The following EXD3 variants were observed in gnomAD, a reference collection of about 807,000 sequenced individuals.
EXD3 encodes the protein exonuclease mut-7 homolog.
Under a neutral mutation model 98.0 loss-of-function variants are expected in EXD3, and 92 were observed. The ratio of observed to expected loss-of-function variants is 0.94; its 90% CI spans 0.79 to 1.12. The LOEUF is 1.12. Among genes scored for constraint, EXD3 ranks in the 50% most tolerant of loss-of-function variants. The pLI is 0.00. For synonymous variants in EXD3, 569 were observed against 526.0 expected (o/e 1.08, Z -1.12); for missense variants, 1,222 against 1,191.6 (o/e 1.03, Z -0.38).
At chr9:137,317,175 G>C (rs1486630576) in intron 19 of EXD3, among the ~76,000 whole-genome samples, 1 of 152,124 alleles carries the variant, frequency 6.6e-6, no homozygotes, top group Non-Finnish European at 1.5e-5. Context: ...CTGTAGCTGC[G>C]GGCAGGGGAG....
chr9:137,383,327 G>A lies in EXD3; in HGVS notation c.106C>T (p.Arg36Trp), dbSNP rs576047959. The A allele has an allele frequency of 8.8e-5, 136 of 1,550,028 alleles. No homozygotes were observed. The highest frequency in any genetic ancestry group is 1.7e-4 in the Middle Eastern group (1 of 5,982). ...CGTCCACTCACCTGCTTCCGCTCCC[G>A]CGTGGACCACAGGGTCTGCAGGGCC... ...LQALQTLWSTRERKQLREEAW... is the reference protein window; with the variant it reads ...LQALQTLWSTWERKQLREEAW... The change falls in exon 3 of 22, where the codon CGG becomes TGG. Residue 36 changes from arginine (R) to tryptophan (W), a missense_variant. Physicochemically the swap from Arg to Trp is moderately radical, Grantham distance 101. Transcript: ENST00000340951.
At chr9:137,341,516 C>T (rs556859125) in intron 17 of EXD3, among the ~76,000 whole-genome samples, 4 of 151,360 alleles carry the variant, frequency 2.6e-5, no homozygotes, top group East Asian at 3.9e-4. Context: ...CACCAGGAGC[C>T]GTCTCCCAGG....
intron 17 of EXD3, among the ~76,000 whole-genome samples, chr9:137,325,349 G>A (rs1254020847): frequency 1.3e-5 from 2 of 152,196 alleles, no homozygotes; most frequent in African/African-American, 4.8e-5. Context: ...ACCACAGGGG[G>A]GCAACATGCC....
At chr9:137,363,457 C>T (rs927084427) in intron 7 of EXD3, among the ~76,000 whole-genome samples, 12 of 151,276 alleles carry the variant, frequency 7.9e-5, no homozygotes, top group Non-Finnish European at 8.8e-5. Context: ...CCTGCCTCAG[C>T]CTCTTGAGTA....
In EXD3 at chr9:137,348,142, G is replaced by C; in HGVS notation, c.1927C>G (p.Arg643Gly). ...TCCACACCGAGACAGCGGAGGCTCC[G>C]TGCCAGCCCCTGCAGCATGTTGTCA... ...VCDNMLQGLA[R>G]SLRCLGVDAR... Residue 643 changes from arginine to glycine, a missense_variant, in exon 17 of 22, where the codon CGG becomes GGG. By Grantham distance (125) the Arg-to-Gly change is moderately radical. Coordinates refer to ENST00000340951, the MANE Select transcript of EXD3 (RefSeq NM_017820.5). 1 of 1,612,160 alleles carries C rather than the reference G, an allele frequency of 6.2e-7. No individual in the cohort carries two copies. The highest frequency in any genetic ancestry group is 8.5e-7 in the Non-Finnish European group (1 of 1,179,718).
chr9:137,400,965 G>A (rs1837455725), intron 1 of EXD3, among the ~76,000 whole-genome samples: 4 of 152,092 alleles, frequency 2.6e-5, no homozygotes, highest in Admixed American at 2.0e-4. Context: ...CTGTGACTCT[G>A]CATGGTACAG....
intron 12 of EXD3, 32 bp from the exon 13 acceptor site, chr9:137,351,560 A>G: frequency 6.4e-7 from 1 of 1,554,288 alleles, no homozygotes; most frequent in Non-Finnish European, 8.7e-7. Context: ...TGTGATCATC[A>G]GGGCCAACTT....
intron 1 of EXD3, among the ~76,000 whole-genome samples, chr9:137,413,585 A>T (rs1234918292): frequency 6.9e-6 from 1 of 145,944 alleles, no homozygotes; most frequent in Non-Finnish European, 1.5e-5. Context: ...AGCTCACTGT[A>T]ACCGCCTCCT....
At chr9:137,386,686 G>A (rs937840334) in intron 2 of EXD3, among the ~76,000 whole-genome samples, 13 of 152,086 alleles carry the variant, frequency 8.5e-5, no homozygotes, top group African/African-American at 2.7e-4. Context: ...TCCAACCTCC[G>A]TGTACCTGGA....
chr9:137,344,500 G>A (rs992295178), intron 17 of EXD3, among the ~76,000 whole-genome samples: 3 of 152,262 alleles, frequency 2.0e-5, no homozygotes, highest in Admixed American at 6.5e-5. Flanking sequence ...CAGCATCTGC[G>A]GAGGCGGCCA....
At chr9:137,414,423 T>C (rs540133017) in intron 1 of EXD3, among the ~76,000 whole-genome samples, 1 of 152,292 alleles carries the variant, frequency 6.6e-6, no homozygotes, top group African/African-American at 2.4e-5. Flanking sequence ...AACAGCTGTG[T>C]GCATGTTTCT....
At chr9:137,346,176 T>C (rs771485614) in intron 17 of EXD3, among the ~76,000 whole-genome samples, 10 of 134,634 alleles carry the variant, frequency 7.4e-5, no homozygotes, top group South Asian at 6.8e-4. Context: ...GAGGCGGAGC[T>C]TGCAGTGAGC....
intron 3 of EXD3, among the ~76,000 whole-genome samples, chr9:137,377,521 C>T (rs1835972327): frequency 1.3e-5 from 2 of 150,348 alleles, no homozygotes; most frequent in Non-Finnish European, 2.9e-5. Context: ...TGCCTGTAAT[C>T]CCAGCACTTT....
intron 1 of EXD3, among the ~76,000 whole-genome samples, chr9:137,414,064 C>T (rs1037678361): frequency 7.9e-5 from 12 of 151,922 alleles, no homozygotes; most frequent in Non-Finnish European, 1.5e-4. Flanking sequence ...CTACAGGCGT[C>T]CGCCACCACG....
rs1419066045 is a variant in EXD3 at position 137,306,968 on chromosome 9, CGGGCTGGGGGCTGGGCTCGGCTCGCAG to C, written c.2586_2612del (p.Cys863_Pro871del). On this transcript the variant is annotated inframe_deletion, in exon 22 of 22. Transcript: ENST00000340951. ...GCTGTCCTCAGAAGGGACTGCTGGC[CGGGCTGGGGGCTGGGCTCGGCTCGCAG>C]GGGCTGGGGGCGCTCTCCAGCATGT... 2.5e-6 allele frequency: 4 copies of C among 1,584,772 alleles called. No individual in the cohort carries two copies. The highest frequency in any genetic ancestry group is 1.7e-5 in the Admixed American group (1 of 57,280).
rs1368017135 is a variant in EXD3 at position 137,385,425 on chromosome 9, C to T, written c.56-2048G>A. On this transcript the variant is annotated intron_variant, in intron 2 of 21. Coordinates refer to ENST00000340951, the MANE Select transcript of EXD3 (RefSeq NM_017820.5). This position sits in a 1 kb window ranked among gnomAD's most constrained non-coding sequence, Gnocchi z 4.4. ...TGGGGCCAGGGTGGGCTGGGCGGGG[C>T]GTGCTGTGGTGTGTTCACGATCATG... Among the ~76,000 whole-genome samples the T allele has an allele frequency of 2.6e-5, 4 of 152,176 alleles. No homozygotes were observed. Among genetic ancestry groups the T allele is most frequent in the Admixed American group, 6.5e-5 (1 of 15,280 alleles).
chr9:137,353,075 C>T, intron 10 of EXD3: 1 of 1,262,572 alleles, frequency 7.9e-7, no homozygotes, highest in South Asian at 1.8e-5. Context: ...CACCTCAGTT[C>T]AGCCCCAGCT....
At chr9:137,334,333 G>A (rs1385409067) in intron 17 of EXD3, among the ~76,000 whole-genome samples, 2 of 152,132 alleles carry the variant, frequency 1.3e-5, no homozygotes, top group Non-Finnish European at 2.9e-5. Context: ...TGTGAGAAGG[G>A]ACTAATACAG....
intron 18 of EXD3, 90 bp downstream of exon 18, chr9:137,324,000 C>T (rs1011429745): frequency 2.0e-5 from 31 of 1,531,972 alleles, no homozygotes; most frequent in African/African-American, 2.7e-5. Context: ...GGCCCCACGG[C>T]AAGCTGACCC....
Sources: gnomAD v4.1 joint callset for allele counts (sites outside exome capture counted in the v4.1 genomes callset) on GRCh38, gnomAD v4.1.1 for gene constraint, Gnocchi (gnomAD v3.1) non-coding constraint, MANE v1.5 for transcripts, NCBI Gene and HGNC (gene_info 2026-07-23, HGNC 2026-07-21) for gene names.